MGST1: variants seen among roughly 807,000 people sequenced by gnomAD.
The protein encoded by MGST1 is microsomal glutathione S-transferase 1.
Under a neutral mutation model 8.9 loss-of-function variants are expected in MGST1, and 5 were observed. The observed-to-expected ratio is 0.56, with a 90% CI of 0.29 to 1.19. The LOEUF (loss-of-function observed/expected upper bound fraction) is 1.19, where lower values mean the gene tolerates loss of function less well. MGST1 is among the 50% of genes most tolerant of loss of function. The pLI is 0.08. For missense variants in MGST1, 182 were observed against 187.4 expected, an observed-to-expected ratio of 0.97 and a Z score of 0.17; for synonymous variants, 54 against 67.8, an observed-to-expected ratio of 0.80 and a Z score of 1.00.
At chr12:16,562,782 A>T (rs985235990) in intron 4 of MGST1, among the ~76,000 whole-genome samples, 1 of 152,226 alleles carries the variant, frequency 6.6e-6, no homozygotes, top group Non-Finnish European at 1.5e-5. Context: ...AATAACAGAC[A>T]AATGATTTGT....
chr12:16,415,796 C>T (rs552452871), intron 1 of MGST1, among the ~76,000 whole-genome samples: 66 of 152,040 alleles, frequency 4.3e-4, no homozygotes, highest in African/African-American at 1.2e-3. Flanking sequence ...TGCTTCCTAC[C>T]GCCCATGTTT....
chr12:16,441,876 G>A (rs1941042161), downstream of MGST1, among the ~76,000 whole-genome samples: 1 of 151,628 alleles, frequency 6.6e-6, no homozygotes, highest in Non-Finnish European at 1.5e-5. Context: ...ATATCATAAG[G>A]GTGTTTTTAG....
intron 4 of MGST1, among the ~76,000 whole-genome samples, chr12:16,498,288 C>CT (rs1941482904): frequency 6.6e-6 from 1 of 152,142 alleles, no homozygotes; most frequent in Admixed American, 6.6e-5. Flanking sequence ...GGACCACTTC[C>CT]TAGTATCTCT....
intron 1 of MGST1, among the ~76,000 whole-genome samples, chr12:16,427,228 G>A (rs1473983822): frequency 6.6e-6 from 1 of 152,144 alleles, no homozygotes; most frequent in East Asian, 1.9e-4. Flanking sequence ...GTCCAAGTGA[G>A]AAGAGGTGCT....
chr12:16,515,657 AG>A, intron 4 of MGST1, among the ~76,000 whole-genome samples: 1 of 151,768 alleles, frequency 6.6e-6, no homozygotes, highest in Non-Finnish European at 1.5e-5. Flanking sequence ...GAAAAAAAAA[AG>A]AATAAAGAAT....
intron 1 of MGST1, among the ~76,000 whole-genome samples, chr12:16,394,653 C>T (rs548768569): frequency 2.5e-4 from 38 of 151,606 alleles, no homozygotes; most frequent in Admixed American, 1.8e-3. Context: ...AGTGCAGTGG[C>T]ATGATCTTGG....
intron 1 of MGST1, among the ~76,000 whole-genome samples, chr12:16,388,194 C>T (rs1045064458): frequency 4.7e-4 from 72 of 151,878 alleles, no homozygotes; most frequent in African/African-American, 1.7e-3. Context: ...TGTTACTGTA[C>T]TGAATACTGT....
At chr12:16,487,388 C>T (rs145170107) in intron 4 of MGST1, among the ~76,000 whole-genome samples, 26 of 152,160 alleles carry the variant, frequency 1.7e-4, no homozygotes, top group African/African-American at 6.0e-4. Flanking sequence ...ATAAATTCTT[C>T]CAGAGAAGAG....
chr12:16,433,632 G>A (rs779009170), intron 1 of MGST1, among the ~76,000 whole-genome samples: 1 of 152,076 alleles, frequency 6.6e-6, no homozygotes, highest in Non-Finnish European at 1.5e-5. Flanking sequence ...GCTTTACTCA[G>A]TCAATACACT....
intron 4 of MGST1, among the ~76,000 whole-genome samples, chr12:16,535,676 A>G (rs983373366): frequency 1.3e-5 from 2 of 152,228 alleles, no homozygotes; most frequent in Admixed American, 6.5e-5. Flanking sequence ...AGCAGCAACA[A>G]TATAAATCGT....
chr12:16,432,451 C>T (rs1043351182), intron 1 of MGST1, among the ~76,000 whole-genome samples: 2 of 151,794 alleles, frequency 1.3e-5, no homozygotes, highest in Admixed American at 6.6e-5. Flanking sequence ...TCTACATAAA[C>T]TCTCATCTAG....
intron 4 of MGST1, among the ~76,000 whole-genome samples, chr12:16,565,898 G>C (rs536828952): frequency 2.8e-4 from 42 of 148,006 alleles, no homozygotes; most frequent in African/African-American, 1.0e-3. Context: ...GCACTCTCGT[G>C]TTTATTACAG....
At chr12:16,365,188 A>G (rs1940163442), downstream of MGST1, among the ~76,000 whole-genome samples, 1 of 152,156 alleles carries the variant, frequency 6.6e-6, no homozygotes, top group Non-Finnish European at 1.5e-5. Context: ...TCTCCCCACA[A>G]ACTTTCACTT....
At chr12:16,360,223 CAG>C (rs1330968465) in intron 3 of MGST1, 2 of 458,960 alleles carry the variant, frequency 4.4e-6, no homozygotes, top group East Asian at 3.1e-4. Context: ...AGACACTTTT[CAG>C]AGAGAGCGTT....
chr12:16,412,988 TA>T (rs1565449427), intron 1 of MGST1, among the ~76,000 whole-genome samples: 1 of 152,078 alleles, frequency 6.6e-6, no homozygotes, highest in African/African-American at 2.4e-5. Context: ...AAGCAGAACA[TA>T]GATAATATGT....
downstream of MGST1, among the ~76,000 whole-genome samples, chr12:16,440,732 C>T (rs74676966): frequency 0.031 from 4,672 of 151,786 alleles, 108 homozygotes; most frequent in Non-Finnish European, 0.051. Context: ...TGTTTGTGGA[C>T]TTTATATTAT....
In MGST1 at chr12:16,587,476, T is replaced by A. The variant is rs1943356959; in HGVS notation, n.483-2052T>A. On this transcript the variant is annotated intron_variant and non_coding_transcript_variant, in intron 4 of 4. Coordinates refer to the MGST1 transcript ENST00000538857. The surrounding 1 kb of genome is among the most constrained non-coding windows in gnomAD (Gnocchi z 4.3). Reference sequence around the variant, plus strand: ...CAAGTTCGATTTTTTTTTCTTTTACTTTGCCTACTACTAGCAAATAAACTG... The same window carrying A: ...CAAGTTCGATTTTTTTTTCTTTTACATTGCCTACTACTAGCAAATAAACTG... Among the ~76,000 whole-genome samples, 1 of 152,198 alleles carries A rather than the reference T, an allele frequency of 6.6e-6. No individual in the cohort carries two copies. The highest frequency in any genetic ancestry group is 1.5e-5 in the Non-Finnish European group (1 of 68,040).
At chr12:16,403,873 A>G (rs1940679137) in intron 1 of MGST1, among the ~76,000 whole-genome samples, 1 of 152,118 alleles carries the variant, frequency 6.6e-6, no homozygotes, top group Admixed American at 6.5e-5. Flanking sequence ...AGCATGGGGA[A>G]AACCACCCCC....
rs1201764682 is a variant in MGST1 at position 16,482,863 on chromosome 12, A to G, written n.482+99259A>G. ...AGCAATCAGGAGTCCTAGGCAGAGT[A>G]GTTTCAAGGTCTTGAACCACCAGTG... On this transcript the variant is annotated intron_variant and non_coding_transcript_variant, in intron 4 of 4. Coordinates refer to the MGST1 transcript ENST00000538857. The surrounding 1 kb of genome is among the most constrained non-coding windows in gnomAD (Gnocchi z 4.2). Among the ~76,000 whole-genome samples, 17 of 152,290 alleles carry G rather than the reference A, an allele frequency of 1.1e-4. No homozygotes were observed. The highest frequency in any genetic ancestry group is 2.4e-4 in the Non-Finnish European group (16 of 68,012).
Sources: allele counts gnomAD v4.1 joint callset (sites outside exome capture counted in the v4.1 genomes callset), GRCh38; gene constraint gnomAD v4.1.1; non-coding constraint Gnocchi (gnomAD v3.1); transcripts MANE v1.5; gene names NCBI Gene and HGNC (gene_info 2026-07-23, HGNC 2026-07-21).